Variants in PBX2 observed in about 807,000 individuals in gnomAD.
The protein encoded by PBX2 is PBX homeobox 2, also known as pre-B-cell leukemia transcription factor 2.
A neutral mutation model predicts 46.5 loss-of-function variants in PBX2; 10 were observed. That is an observed-to-expected ratio of 0.21 (90% CI 0.13 to 0.36). PBX2 has a LOEUF of 0.36. Ranked by LOEUF, PBX2 falls within the 10% of genes least tolerant of loss-of-function variation. The pLI, the probability that PBX2 is intolerant of heterozygous loss-of-function variation, is 1.00. For synonymous variants in PBX2, 160 were observed against 222.5 expected (o/e 0.72, Z 2.50); for missense variants, 392 against 580.5 (o/e 0.68, Z 3.34).
chr6:32,186,133 G>A lies in PBX2; in HGVS notation c.*249C>T. 1 of 565,640 alleles carries A rather than the reference G, an allele frequency of 1.8e-6. No individual in the cohort carries two copies. The highest frequency in any genetic ancestry group is 3.2e-6 in the Non-Finnish European group (1 of 316,970). The allele number at this position is 565,640 out of a possible 1,614,324, so 35.0% of individuals were successfully genotyped here. ...TCGGTATGTGTATGTTTCTGTGTAA[G>A]AAAGAAAGCGAGAGAGGAAAAAGAT... On this transcript the variant is annotated 3_prime_UTR_variant, in exon 9 of 9. Coordinates refer to ENST00000375050, the MANE Select transcript of PBX2 (RefSeq NM_002586.5). The surrounding 1 kb of genome is among the most constrained non-coding windows in gnomAD (Gnocchi z 4.2).
Position 32,186,269 on chromosome 6 carries a change from T to C in PBX2, c.*113A>G, listed in dbSNP as rs1235083533. 4.3e-6 allele frequency: 3 copies of C among 694,460 alleles called. No homozygotes were observed. The South Asian group carries it at 5.2e-5, about 12-fold the overall frequency. 43.0% of individuals were successfully genotyped at this position (694,460 alleles called of 1,614,324 possible). On this transcript the variant is annotated 3_prime_UTR_variant, in exon 9 of 9. Coordinates refer to ENST00000375050, the MANE Select transcript of PBX2 (RefSeq NM_002586.5). This position sits in a 1 kb window ranked among gnomAD's most constrained non-coding sequence, Gnocchi z 4.2. The stretch of plus-strand genomic sequence containing the variant: ...CTCGTTAGGGAGGGGATGACCCCAT[T>C]GGCCCTTCTCTGTCTTGTGCTTCTC...
At position 32,187,885 on chromosome 6, in the gene PBX2, T is replaced by G; in HGVS notation, c.734+81A>C. 1.3e-6 allele frequency: 2 copies of G among 1,541,106 alleles called. No homozygotes were observed. Among genetic ancestry groups the G allele is most frequent in the South Asian group, 1.2e-5 (1 of 80,534 alleles). Reference sequence around the variant, plus strand: ...ACCATTGTCATGGAGTACCATGTTGTGCAGCATGGCAGCTCAGGGTCTTGG... The same window carrying G: ...ACCATTGTCATGGAGTACCATGTTGGGCAGCATGGCAGCTCAGGGTCTTGG... On this transcript the variant is annotated intron_variant, in intron 4 of 8. Transcript: ENST00000375050. The surrounding 1 kb of genome is among the most constrained non-coding windows in gnomAD (Gnocchi z 7.7).
In PBX2 at chr6:32,189,184, C is replaced by T; in HGVS notation, c.222-388G>A. 2.8e-6 allele frequency: 1 copy of T among 353,934 alleles called. No individual in the cohort carries two copies. The highest frequency in any genetic ancestry group is 3.5e-5 in the South Asian group (1 of 28,342). 21.9% of individuals were successfully genotyped at this position (353,934 alleles called of 1,614,324 possible). ...AGGTGGCAGAGTGGGGCTGGGGGTG[C>T]CGAGCTAACTGGGGAGATCAGTGTA... On this transcript the variant is annotated intron_variant, in intron 1 of 8. Coordinates refer to ENST00000375050, the MANE Select transcript of PBX2 (RefSeq NM_002586.5). The surrounding 1 kb of genome is among the most constrained non-coding windows in gnomAD (Gnocchi z 4.7).
At position 32,187,901 on chromosome 6, in the gene PBX2, A is replaced by C; in HGVS notation, c.734+65T>G. 1 of 1,523,088 alleles carries C rather than the reference A, an allele frequency of 6.6e-7. No individual in the cohort carries two copies. The highest frequency in any genetic ancestry group is 8.9e-7 in the Non-Finnish European group (1 of 1,129,528). The allele number at this position is 1,523,088 out of a possible 1,614,324, so 94.3% of individuals were successfully genotyped here. On this transcript the variant is annotated intron_variant, in intron 4 of 8. Transcript: ENST00000375050. This position sits in a 1 kb window ranked among gnomAD's most constrained non-coding sequence, Gnocchi z 7.7. The stretch of plus-strand genomic sequence containing the variant: ...ACCATGTTGTGCAGCATGGCAGCTC[A>C]GGGTCTTGGAGAGGAATGGGAAGGA...
rs1787362913 is a variant in PBX2 at position 32,190,003 on chromosome 6, C to G, written c.-88G>C. 1.7e-6 allele frequency: 1 copy of G among 587,728 alleles called. No homozygotes were observed. The highest frequency in any genetic ancestry group is 2.0e-5 in the African/African-American group (1 of 50,696). The allele number at this position is 587,728 out of a possible 1,614,324, so 36.4% of individuals were successfully genotyped here. On this transcript the variant is annotated 5_prime_UTR_variant, in exon 1 of 9. Transcript: ENST00000375050. ...CCCCCCAAACTCGCTGGGGCCGCTG[C>G]TCCCTCCGCCCCAACCCCCGCCCGT...
rs1435964697 is a variant in PBX2, at chr6:32,188,109, C to A, written c.591G>T (p.Gln197His). 6.3e-7 allele frequency: 1 copy of A among 1,591,052 alleles called. No homozygotes were observed. The highest frequency in any genetic ancestry group is 8.6e-7 in the Non-Finnish European group (1 of 1,166,164). The part of the protein sequence containing the change: ...TTHVMNLLRE[Q>H]SRTRPVAPKE... ...TGGGGGCCACGGGCCTGGTGCGGCT[C>A]TGCTCCCTCAGCAGGTTCATGACAT... The change falls in exon 4 of 9, where the codon CAG (glutamine) becomes CAT (histidine). Residue 197 changes from glutamine to histidine, a missense_variant. Around this residue, in one of 3 missense-constraint regions of PBX2, gnomAD observed 80 missense variants for 175.7 expected, o/e 0.46. Coordinates refer to ENST00000375050, the MANE Select transcript of PBX2 (RefSeq NM_002586.5). The surrounding 1 kb of genome is among the most constrained non-coding windows in gnomAD (Gnocchi z 6.5).
At position 32,184,889 on chromosome 6, in the gene PBX2, C is replaced by T. The variant is rs1243600606; in HGVS notation, c.*1493G>A. 7.1e-6 allele frequency: 1 copy of T among 140,554 alleles called. No individual in the cohort carries two copies. The highest frequency in any genetic ancestry group is 1.5e-5 in the Non-Finnish European group (1 of 66,518). 8.7% of individuals were successfully genotyped at this position (140,554 alleles called of 1,614,324 possible). A position where few individuals can be genotyped will look rare whatever the true frequency, so the allele number is the denominator to read the frequency against. ...AACCTGTCCCCAGTCCTGCCCGGATCTTTAATGGGAGGGGTTCCCCACTCT... is the reference window on the plus strand; with the variant it reads ...AACCTGTCCCCAGTCCTGCCCGGATTTTTAATGGGAGGGGTTCCCCACTCT... On this transcript the variant is annotated 3_prime_UTR_variant, in exon 9 of 9. Transcript: ENST00000375050.
Position 32,188,270 on chromosome 6 carries a change from T to C in PBX2, c.530A>G (p.Glu177Gly). The change falls in exon 3 of 9, where the codon GAG becomes GGG. Residue 177 changes from glutamate (E) to glycine (G), a missense_variant. Glu to Gly is a moderately conservative substitution (Grantham distance 98). This residue lies in a region of PBX2 where 196 missense variants were observed against 246.9 expected (regional missense o/e 0.79). Transcript: ENST00000375050. This position sits in a 1 kb window ranked among gnomAD's most constrained non-coding sequence, Gnocchi z 6.5. ...QIRHIYHSEL[E>G]KYEQACNEFT... is the part of the protein sequence containing the mutation. ...TCCTCTCCTTACCTGCTCATACTTC[T>C]CCAGCTCCGAGTGGTATATGTGACG... is the stretch of plus-strand genomic sequence containing the variant. 3.7e-6 allele frequency: 6 copies of C among 1,613,838 alleles called. No homozygotes were observed. The South Asian group carries it at 6.6e-5, about 18-fold the overall frequency.
Position 32,190,010 on chromosome 6 carries a change from C to T in PBX2, c.-95G>A, listed in dbSNP as rs1787363984. ...AACTCGCTGGGGCCGCTGCTCCCTC[C>T]GCCCCAACCCCCGCCCGTCTGCCCC... On this transcript the variant is annotated 5_prime_UTR_variant, in exon 1 of 9. Coordinates refer to ENST00000375050, the MANE Select transcript of PBX2 (RefSeq NM_002586.5). 2 of 560,608 alleles carry T rather than the reference C, an allele frequency of 3.6e-6. No individual in the cohort carries two copies. The highest frequency in any genetic ancestry group is 5.9e-6 in the Non-Finnish European group (2 of 338,590). 34.7% of individuals were successfully genotyped at this position (560,608 alleles called of 1,614,324 possible). A position where few individuals can be genotyped will look rare whatever the true frequency, so the allele number is the denominator to read the frequency against.
rs745483584 is a variant in PBX2, at chr6:32,186,459, G to T, written c.1216C>A (p.Gln406Lys). ...ACTGAAGAGGGGGTCACAGCCTCTT[G>T]CCAGCTGCCATTTGCCTGAAAGGAG... ...PREMRANGSW[Q>K]EAVTPSSVTS... Residue 406 changes from glutamine to lysine, a missense_variant, in exon 9 of 9, where the codon CAA (glutamine) becomes AAA (lysine). Coordinates refer to ENST00000375050, the MANE Select transcript of PBX2 (RefSeq NM_002586.5). This position sits in a 1 kb window ranked among gnomAD's most constrained non-coding sequence, Gnocchi z 4.2. 1 of 1,613,196 alleles carries T rather than the reference G, an allele frequency of 6.2e-7. No individual in the cohort carries two copies. The highest frequency in any genetic ancestry group is 1.1e-5 in the South Asian group (1 of 91,078).
rs770376433 is a variant in PBX2 at position 32,186,445 on chromosome 6, G to A, written c.1230C>T (p.Thr410=). Reference sequence around the variant, plus strand: ...CCGTTGGGGATGTCACTGAAGAGGGGGTCACAGCCTCTTGCCAGCTGCCAT... The same window carrying A: ...CCGTTGGGGATGTCACTGAAGAGGGAGTCACAGCCTCTTGCCAGCTGCCAT... ...RANGSWQEAV[T]PSSVTSPTEG... The change falls in exon 9 of 9, where the codon ACC becomes ACT. Residue 410 remains threonine (T), a synonymous_variant. Coordinates refer to ENST00000375050, the MANE Select transcript of PBX2 (RefSeq NM_002586.5). The surrounding 1 kb of genome is among the most constrained non-coding windows in gnomAD (Gnocchi z 4.2). 3.3e-5 allele frequency: 54 copies of A among 1,612,958 alleles called. No homozygotes were observed. Among genetic ancestry groups the A allele is most frequent in the Non-Finnish European group, 4.6e-5 (54 of 1,179,582 alleles).
At position 32,187,566 on chromosome 6, in the gene PBX2, G is replaced by C; in HGVS notation, c.870+81C>G. 1 of 1,527,786 alleles carries C rather than the reference G, an allele frequency of 6.5e-7. No homozygotes were observed. Among genetic ancestry groups the C allele is most frequent in the East Asian group, 2.3e-5 (1 of 42,580 alleles). The allele number at this position is 1,527,786 out of a possible 1,614,324, so 94.6% of individuals were successfully genotyped here. Reference sequence around the variant, plus strand: ...TCCCACTTCAGCCTCCCTAGTAGCTGGGATTACAGGAACACACCACTGCAC... The same window carrying C: ...TCCCACTTCAGCCTCCCTAGTAGCTCGGATTACAGGAACACACCACTGCAC... On this transcript the variant is annotated intron_variant, in intron 5 of 8. Coordinates refer to ENST00000375050, the MANE Select transcript of PBX2 (RefSeq NM_002586.5). This position sits in a 1 kb window ranked among gnomAD's most constrained non-coding sequence, Gnocchi z 7.7.
At position 32,187,790 on chromosome 6, in the gene PBX2, G is replaced by A. The variant is rs1376808017; in HGVS notation, c.735-8C>T. 6.2e-7 allele frequency: 1 copy of A among 1,612,442 alleles called. No homozygotes were observed. ...AAGTTACGGCGCTTTCGTCTACAGA[G>A]GAGGGAGAAGAGCAGTGAGGAGGAT... On this transcript the variant is annotated splice_polypyrimidine_tract_variant and splice_region_variant and intron_variant, in intron 4 of 8. Transcript: ENST00000375050. The surrounding 1 kb of genome is among the most constrained non-coding windows in gnomAD (Gnocchi z 7.7).
At position 32,187,939 on chromosome 6, in the gene PBX2, G is replaced by C; in HGVS notation, c.734+27C>G. 1 of 1,524,300 alleles carries C rather than the reference G, an allele frequency of 6.6e-7. No homozygotes were observed. Among genetic ancestry groups the C allele is most frequent in the African/African-American group, 1.4e-5 (1 of 73,170 alleles). 94.4% of individuals were successfully genotyped at this position (1,524,300 alleles called of 1,614,324 possible). A position where few individuals can be genotyped will look rare whatever the true frequency, so the allele number is the denominator to read the frequency against. On this transcript the variant is annotated intron_variant, in intron 4 of 8. Coordinates refer to ENST00000375050, the MANE Select transcript of PBX2 (RefSeq NM_002586.5). The surrounding 1 kb of genome is among the most constrained non-coding windows in gnomAD (Gnocchi z 7.7). ...GGAATGGGAAGGAGCCCAGTGCTGG[G>C]GGCCAGCCTGGGGTCCCTGGGCCCA...
In PBX2 at chr6:32,187,375, G is replaced by A; in HGVS notation, c.891C>T (p.Asn297=). 2.5e-6 allele frequency: 4 copies of A among 1,613,018 alleles called. No individual in the cohort carries two copies. The highest frequency in any genetic ancestry group is 3.4e-6 in the Non-Finnish European group (4 of 1,180,020). Residue 297 remains asparagine (N), a synonymous_variant, in exon 6 of 9, where the codon AAC becomes AAT. Transcript: ENST00000375050. The surrounding 1 kb of genome is among the most constrained non-coding windows in gnomAD (Gnocchi z 7.7). The part of the protein sequence containing the change: ...TVSQVSNWFG[N]KRIRYKKNIG... ...TGTTTTTCTTATAGCGAATCCTCTT[G>A]TTGCCAAACCAGTTGGAGACCTGTG...
At position 32,186,070 on chromosome 6, in the gene PBX2, AAGAC is replaced by A. The variant is rs920071505; in HGVS notation, c.*308_*311del. 18 of 386,786 alleles carry A rather than the reference AAGAC, an allele frequency of 4.7e-5. No homozygotes were observed. The highest frequency in any genetic ancestry group is 3.6e-4 in the South Asian group (9 of 24,930). The allele number at this position is 386,786 out of a possible 1,614,324, so 24.0% of individuals were successfully genotyped here. ...GTGAGGTGTGGGAGAGGGAGAGAGA[AAGAC>A]AGAGGAGAAAAAGGGGTCTGAGAAA... On this transcript the variant is annotated 3_prime_UTR_variant, in exon 9 of 9. Transcript: ENST00000375050. This position sits in a 1 kb window ranked among gnomAD's most constrained non-coding sequence, Gnocchi z 4.2.
chr6:32,189,807 G>A lies in PBX2; in HGVS notation c.109C>T (p.Pro37Ser). The stretch of plus-strand genomic sequence containing the variant: ...GGGACCCCCCCGCTACCCCCACCGG[G>A]GTCTCCGCCACCGGGAGGCTCGCCA... ...GPGEPPGGGD[P>S]GGGSGGVPGG... The change falls in exon 1 of 9, where the codon CCC becomes TCC. Residue 37 changes from proline (P) to serine (S), a missense_variant. By Grantham distance (74) the Pro-to-Ser change is moderately conservative. Coordinates refer to ENST00000375050, the MANE Select transcript of PBX2 (RefSeq NM_002586.5). This position sits in a 1 kb window ranked among gnomAD's most constrained non-coding sequence, Gnocchi z 4.7. 1.9e-6 allele frequency: 3 copies of A among 1,594,868 alleles called. No homozygotes were observed. The highest frequency in any genetic ancestry group is 2.2e-5 in the South Asian group (2 of 89,606).
chr6:32,190,103 C>A lies in PBX2; in HGVS notation c.-188G>T. On this transcript the variant is annotated 5_prime_UTR_variant, in exon 1 of 9. Coordinates refer to ENST00000375050, the MANE Select transcript of PBX2 (RefSeq NM_002586.5). ...AGACCTGGGATACCGGCTGGGCCCC[C>A]CACAGGAGACCCCGGCCCCCGGCGG... 4.5e-6 allele frequency: 2 copies of A among 441,304 alleles called. No homozygotes were observed. The highest frequency in any genetic ancestry group is 8.6e-5 in the Admixed American group (2 of 23,346). The allele number at this position is 441,304 out of a possible 1,614,324, so 27.3% of individuals were successfully genotyped here. A position where few individuals can be genotyped will look rare whatever the true frequency, so the allele number is the denominator to read the frequency against.
At position 32,189,983 on chromosome 6, in the gene PBX2, C is replaced by A. The variant is rs1196630833; in HGVS notation, c.-68G>T. 4.2e-6 allele frequency: 3 copies of A among 714,068 alleles called. No individual in the cohort carries two copies. The highest frequency in any genetic ancestry group is 3.8e-5 in the African/African-American group (2 of 53,062). 44.2% of individuals were successfully genotyped at this position (714,068 alleles called of 1,614,324 possible). ...CCCCCCGCCTGGTTACTTCTCCCCC[C>A]AAACTCGCTGGGGCCGCTGCTCCCT... On this transcript the variant is annotated 5_prime_UTR_variant, in exon 1 of 9. Transcript: ENST00000375050. This position sits in a 1 kb window ranked among gnomAD's most constrained non-coding sequence, Gnocchi z 4.7.
Sources: allele counts gnomAD v4.1 joint callset, GRCh38; gene constraint gnomAD v4.1.1; regional missense constraint gnomAD v4.1.1; non-coding constraint Gnocchi (gnomAD v3.1); transcripts MANE v1.5; gene names NCBI Gene and HGNC (gene_info 2026-07-23, HGNC 2026-07-21).